The following UNC79 variants were observed in gnomAD, a reference collection of about 807,000 sequenced individuals.
The protein encoded by UNC79 is unc-79 subunit of NALCN channel complex.
A neutral mutation model predicts 283.1 loss-of-function variants in UNC79; 37 were observed. The ratio of observed to expected loss-of-function variants is 0.13; its 90% CI spans 0.10 to 0.17. The LOEUF is 0.17. Ranked by LOEUF, UNC79 falls within the 10% of genes least tolerant of loss-of-function variation. UNC79 has a pLI of 1.00. For synonymous variants in UNC79, 1,107 were observed against 1,200.2 expected (o/e 0.92, Z 1.61); for missense variants, 2,272 against 3,211.1 (o/e 0.71, Z 7.07).
intron 1 of UNC79, among the ~76,000 whole-genome samples, chr14:93,347,037 C>T (rs1045818960): frequency 6.7e-6 from 1 of 149,608 alleles, no homozygotes; most frequent in South Asian, 2.1e-4. Context: ...TGGGGCAAAG[C>T]ACGGACTGCT....
At chr14:93,598,338 C>A (rs1203931406) in intron 24 of UNC79, among the ~76,000 whole-genome samples, 1 of 149,470 alleles carries the variant, frequency 6.7e-6, no homozygotes, top group Non-Finnish European at 1.5e-5. Flanking sequence ...GCTGATATTA[C>A]TTTGGACAGA....
At position 93,420,864 on chromosome 14, in the gene UNC79, A is replaced by C. The variant is rs138203106; in HGVS notation, c.-350-46807A>C. Reference sequence around the variant, plus strand: ...TATACTTCTAAATGACCAGTGAGTCAATAAAGATGTTAAGAAGGAAATGGA... The same window carrying C: ...TATACTTCTAAATGACCAGTGAGTCCATAAAGATGTTAAGAAGGAAATGGA... On this transcript the variant is annotated intron_variant, in intron 1 of 49. Coordinates refer to the UNC79 transcript ENST00000256339. Among the ~76,000 whole-genome samples the C allele has an allele frequency of 2.7e-3, 406 of 151,914 alleles. 2 individuals carry two copies. Among genetic ancestry groups the C allele is most frequent in the African/African-American group, 9.2e-3 (384 of 41,556 alleles).
At chr14:93,692,007 A>AATCCTCACACTCCCT (rs1311607486) in intron 46 of UNC79, 61 bp downstream of exon 49, 11 of 1,563,438 alleles carry the variant, frequency 7.0e-6, no homozygotes, top group African/African-American at 4.1e-5. Flanking sequence ...CACCACTCCT[A>AATCCTCACACTCCCT]ATCCTCACAC....
rs1662828410 is a variant in UNC79, at chr14:93,531,408, A to G, written c.1094-1142A>G. ...AGGTGTTAGTTCATTTTTTGAGTACATACTATTTCAGAGTACATATTAGCC... is the reference window on the plus strand; with the variant it reads ...AGGTGTTAGTTCATTTTTTGAGTACGTACTATTTCAGAGTACATATTAGCC... On this transcript the variant is annotated intron_variant, in intron 10 of 48. Transcript: ENST00000555664. This position sits in a 1 kb window ranked among gnomAD's most constrained non-coding sequence, Gnocchi z 4.2. Among the ~76,000 whole-genome samples, 1 of 152,240 alleles carries G rather than the reference A, an allele frequency of 6.6e-6. No homozygotes were observed. Among genetic ancestry groups the G allele is most frequent in the Non-Finnish European group, 1.5e-5 (1 of 68,046 alleles).
chr14:93,455,123 G>A (rs952145345), intron 1 of UNC79, among the ~76,000 whole-genome samples: 1 of 152,180 alleles, frequency 6.6e-6, no homozygotes, highest in Non-Finnish European at 1.5e-5. Context: ...ATTTGGAAGA[G>A]CTTAACAATG....
intron 1 of UNC79, among the ~76,000 whole-genome samples, chr14:93,439,781 C>T (rs1390265907): frequency 6.6e-6 from 1 of 152,028 alleles, no homozygotes; most frequent in African/African-American, 2.4e-5. Context: ...TTGTATGACA[C>T]TTGTTCTATT....
intron 26 of UNC79, among the ~76,000 whole-genome samples, chr14:93,605,764 T>C (rs1018630157): frequency 2.6e-5 from 4 of 152,144 alleles, no homozygotes; most frequent in Non-Finnish European, 5.9e-5. Context: ...TAAAGATCAT[T>C]GTGTTTTATA....
chr14:93,665,624 A>ATTTTC (rs1159307289), intron 40 of UNC79, among the ~76,000 whole-genome samples: 3 of 151,984 alleles, frequency 2.0e-5, no homozygotes, highest in African/African-American at 7.2e-5. Context: ...AGTCAAGACA[A>ATTTTC]AGAAAATATT....
chr14:93,697,383 A>C (rs2075213876), intron 47 of UNC79, among the ~76,000 whole-genome samples: 1 of 152,036 alleles, frequency 6.6e-6, no homozygotes, highest in Admixed American at 6.6e-5. Context: ...TGATCTGCCC[A>C]CCTTGGCCTC....
chr14:93,577,816 C>T (rs904478811), intron 17 of UNC79, 26 bp from the exon 18 acceptor site: 23 of 1,609,134 alleles, frequency 1.4e-5, no homozygotes, highest in Non-Finnish European at 2.0e-5. Context: ...GAGTTCATTT[C>T]TATGTGTTGC....
chr14:93,593,980 C>T, intron 23 of UNC79, 143 bp downstream of exon 23: 1 of 935,054 alleles, frequency 1.1e-6, no homozygotes, highest in Non-Finnish European at 1.5e-6. Flanking sequence ...GGGGGTTCTG[C>T]TTTGAGCTTC....
intron 30 of UNC79, among the ~76,000 whole-genome samples, chr14:93,625,582 C>A (rs1232513708): frequency 6.6e-6 from 1 of 152,152 alleles, no homozygotes; most frequent in Non-Finnish European, 1.5e-5. Context: ...TAACTGCAAC[C>A]TCTTCATGAT....
chr14:93,528,527 A>C (rs759157921), intron 8 of UNC79, 31 bp from the exon 9 acceptor site: 47 of 1,597,286 alleles, frequency 2.9e-5, no homozygotes, highest in Non-Finnish European at 3.9e-5. Flanking sequence ...CAGGAACAGG[A>C]GAGTTCATTC....
intron 15 of UNC79, 40 bp downstream of exon 15, chr14:93,572,124 A>C (rs573112761): frequency 2.5e-6 from 4 of 1,597,762 alleles, no homozygotes; most frequent in Non-Finnish European, 3.4e-6. Flanking sequence ...AATTATAATC[A>C]TATCTAACGT....
chr14:93,452,716 C>T (rs1212786902), intron 1 of UNC79, among the ~76,000 whole-genome samples: 1 of 152,052 alleles, frequency 6.6e-6, no homozygotes, highest in African/African-American at 2.4e-5. Flanking sequence ...ACAATTTTCT[C>T]AGTTTTCTCA....
At chr14:93,448,156 C>T (rs192434431) in intron 1 of UNC79, among the ~76,000 whole-genome samples, 5 of 151,520 alleles carry the variant, frequency 3.3e-5, no homozygotes, top group Admixed American at 2.6e-4. Context: ...CCTAACCCAC[C>T]TCTGAGACTC....
chr14:93,683,290 G>A lies in UNC79; in HGVS notation c.6819+596G>A, dbSNP rs531187886. On this transcript the variant is annotated intron_variant, in intron 42 of 48. Transcript: ENST00000555664. The stretch of plus-strand genomic sequence containing the variant: ...AGGGGGATTTCCACGTGCATACTCG[G>A]GGATCAGGTTTCTTCCATTATGTGC... Among the ~76,000 whole-genome samples the A allele has an allele frequency of 3.7e-3, 568 of 152,162 alleles. 1 individual carries two copies. The highest frequency in any genetic ancestry group is 5.4e-3 in the Non-Finnish European group (367 of 68,000).
chr14:93,571,839 A>T, intron 14 of UNC79, 55 bp from the exon 15 acceptor site: 1 of 1,597,144 alleles, frequency 6.3e-7, no homozygotes, highest in South Asian at 1.1e-5. Flanking sequence ...CCTTGAGTAT[A>T]ATTGTAACCA....
intron 25 of UNC79, among the ~76,000 whole-genome samples, chr14:93,601,303 CTT>C (rs1416572588): frequency 2.0e-5 from 3 of 148,086 alleles, no homozygotes; most frequent in African/African-American, 7.4e-5. Flanking sequence ...ATTCTTATGT[CTT>C]TGCATCCTCA....
Sources: gnomAD v4.1 joint callset for allele counts (sites outside exome capture counted in the v4.1 genomes callset) on GRCh38, gnomAD v4.1.1 for gene constraint, Gnocchi (gnomAD v3.1) non-coding constraint, MANE v1.5 for transcripts, NCBI Gene and HGNC (gene_info 2026-07-23, HGNC 2026-07-21) for gene names.